Variants in SYT1 observed in about 807,000 individuals in gnomAD.
The protein encoded by SYT1 is synaptotagmin-1.
In SYT1, 8 loss-of-function variants were observed where a neutral mutation model predicts 44.8. The observed-to-expected ratio is 0.18, with a 90% CI of 0.10 to 0.32. The LOEUF is 0.32. Among genes scored for constraint, SYT1 ranks in the 10% least tolerant of loss-of-function variants. SYT1 has a pLI of 1.00. For missense variants in SYT1, 286 were observed against 509.3 expected, an observed-to-expected ratio of 0.56 and a Z score of 4.22; for synonymous variants, 154 against 188.8, an observed-to-expected ratio of 0.82 and a Z score of 1.51.
At chr12:79,042,020 G>A (rs200215176) in intron 2 of SYT1, among the ~76,000 whole-genome samples, 2 of 150,964 alleles carry the variant, frequency 1.3e-5, no homozygotes, top group African/African-American at 4.8e-5. Context: ...TGCTGGATTC[G>A]TTTTGCCAGT....
intron 4 of SYT1, among the ~76,000 whole-genome samples, chr12:79,239,500 G>T (rs1415777424): frequency 6.6e-6 from 1 of 152,118 alleles, no homozygotes; most frequent in East Asian, 1.9e-4. Flanking sequence ...TCTAATAAAT[G>T]TGCCATATTA....
At chr12:79,345,874 A>G (rs1882584720) in intron 8 of SYT1, among the ~76,000 whole-genome samples, 1 of 152,216 alleles carries the variant, frequency 6.6e-6, no homozygotes, top group Non-Finnish European at 1.5e-5. Flanking sequence ...TTTTCATTTG[A>G]GAGATAATTG....
At position 79,044,660 on chromosome 12, in the gene SYT1, G is replaced by A. The variant is rs1383758316; in HGVS notation, c.-83-2637G>A. Among the ~76,000 whole-genome samples the A allele has an allele frequency of 1.9e-4, 29 of 150,156 alleles. 2 individuals carry two copies. The Middle Eastern group carries it at 0.01, about 53-fold the overall frequency. On this transcript the variant is annotated intron_variant, in intron 2 of 10. Coordinates refer to ENST00000261205, the MANE Select transcript of SYT1 (RefSeq NM_005639.3). The stretch of plus-strand genomic sequence containing the variant: ...GTCATTCTCCATCCAGCTTTGTTCC[G>A]TTGCTGGTGAGGAACTGCGTTCCTT...
intron 2 of SYT1, among the ~76,000 whole-genome samples, chr12:78,997,931 T>C (rs927829630): frequency 2.6e-5 from 4 of 152,178 alleles, no homozygotes; most frequent in Non-Finnish European, 5.9e-5. Flanking sequence ...CTGAAATGAC[T>C]TTACAAAAGC....
chr12:79,097,484 T>A (rs1385816762), intron 3 of SYT1, among the ~76,000 whole-genome samples: 2 of 152,012 alleles, frequency 1.3e-5, no homozygotes, highest in Non-Finnish European at 2.9e-5. Context: ...ATTAAACCTC[T>A]GAGGTATTAG....
intron 3 of SYT1, among the ~76,000 whole-genome samples, chr12:79,172,878 T>C (rs1027376390): frequency 6.8e-6 from 1 of 147,604 alleles, no homozygotes; most frequent in African/African-American, 2.5e-5. Flanking sequence ...AAACTCTAGA[T>C]GCCTTTCTCA....
chr12:79,422,530 G>C (rs1869183209), intron 9 of SYT1, among the ~76,000 whole-genome samples: 1 of 151,376 alleles, frequency 6.6e-6, no homozygotes, highest in South Asian at 2.1e-4. Context: ...CCAAAGCTAT[G>C]GTTAAAGAAC....
At chr12:79,116,483 C>G (rs923224640) in intron 3 of SYT1, among the ~76,000 whole-genome samples, 3 of 152,162 alleles carry the variant, frequency 2.0e-5, no homozygotes, top group Admixed American at 1.3e-4. Flanking sequence ...AAGCAAAACA[C>G]TCTCTTATTT....
At chr12:79,146,997 T>A (rs969796870) in intron 3 of SYT1, among the ~76,000 whole-genome samples, 29 of 152,044 alleles carry the variant, frequency 1.9e-4, no homozygotes, top group African/African-American at 6.3e-4. Context: ...CCCACCACCA[T>A]GTCCGGCTAA....
chr12:79,004,891 T>G (rs1373057035), intron 2 of SYT1, among the ~76,000 whole-genome samples: 1 of 152,036 alleles, frequency 6.6e-6, no homozygotes, highest in Non-Finnish European at 1.5e-5. Context: ...ACAATAATAT[T>G]GGTTTGGTGA....
intron 1 of SYT1, among the ~76,000 whole-genome samples, chr12:78,894,478 T>C (rs978784126): frequency 6.6e-6 from 1 of 150,926 alleles, no homozygotes; most frequent in East Asian, 2.0e-4. Context: ...AAAAAGTCAC[T>C]TATTCTTTTA....
chr12:79,183,079 T>C (rs1872628750), intron 3 of SYT1, among the ~76,000 whole-genome samples: 1 of 152,094 alleles, frequency 6.6e-6, no homozygotes, highest in Non-Finnish European at 1.5e-5. Flanking sequence ...CAAATGTTTA[T>C]TGTGCACTGA....
intron 8 of SYT1, among the ~76,000 whole-genome samples, chr12:79,341,934 TGTGAAAGATGA>T (rs888478800): frequency 6.6e-6 from 1 of 151,972 alleles, no homozygotes; most frequent in African/African-American, 2.4e-5. Context: ...TTCAGAAAGA[TGTGAAAGATGA>T]GTGAAAGTTA....
intron 1 of SYT1, among the ~76,000 whole-genome samples, chr12:78,928,215 A>G (rs1877412484): frequency 6.6e-6 from 1 of 152,154 alleles, no homozygotes; most frequent in Non-Finnish European, 1.5e-5. Flanking sequence ...CCAGGGATAT[A>G]TTAGAAGACC....
chr12:79,271,678 A>G (rs1335506677), intron 4 of SYT1, among the ~76,000 whole-genome samples: 1 of 152,206 alleles, frequency 6.6e-6, no homozygotes, highest in Non-Finnish European at 1.5e-5. Flanking sequence ...ATTTATGCCT[A>G]CTTGTCATGA....
At chr12:79,003,706 G>A (rs954247302) in intron 2 of SYT1, among the ~76,000 whole-genome samples, 3 of 151,864 alleles carry the variant, frequency 2.0e-5, no homozygotes, top group Admixed American at 6.6e-5. Flanking sequence ...TACTTGACAC[G>A]TTGATGATGT....
Position 79,040,290 on chromosome 12 carries a change from T to C in SYT1, c.-83-7007T>C, listed in dbSNP as rs201377757. ...CACATCCTCTCCAGCACCTGTTGTT[T>C]CCTGACTTTTTAATGATTGCCATTC... On this transcript the variant is annotated intron_variant, in intron 2 of 10. Transcript: ENST00000261205. Among the ~76,000 whole-genome samples, 808 of 151,816 alleles carry C rather than the reference T, an allele frequency of 5.3e-3. 42 individuals carry two copies. In the East Asian group the frequency reaches 0.14, roughly 26 times the overall value.
At chr12:79,286,171 T>A (rs948890042) in intron 5 of SYT1, among the ~76,000 whole-genome samples, 200 bp downstream of exon 5, 4 of 152,170 alleles carry the variant, frequency 2.6e-5, no homozygotes, top group African/African-American at 9.6e-5. Flanking sequence ...CTCCTGAGCA[T>A]ATAGAACAGA....
At chr12:78,899,165 A>G (rs1252889937) in intron 1 of SYT1, among the ~76,000 whole-genome samples, 1 of 152,082 alleles carries the variant, frequency 6.6e-6, no homozygotes, top group African/African-American at 2.4e-5. Context: ...ATAAAATCTG[A>G]GATTAAAATT....
Sources: gnomAD v4.1 joint callset for allele counts (sites outside exome capture counted in the v4.1 genomes callset) on GRCh38, gnomAD v4.1.1 for gene constraint, MANE v1.5 for transcripts, NCBI Gene and HGNC (gene_info 2026-07-23, HGNC 2026-07-21) for gene names.